The following AGMO variants were observed in gnomAD, a reference collection of about 807,000 sequenced individuals.
AGMO encodes alkylglycerol monooxygenase.
A neutral mutation model predicts 60.2 loss-of-function variants in AGMO; 75 were observed. The ratio of observed to expected loss-of-function variants is 1.25; its 90% CI spans 1.03 to 1.51. The LOEUF (loss-of-function observed/expected upper bound fraction) is 1.51. Among genes scored for constraint, AGMO ranks in the 40% most tolerant of loss-of-function variants. AGMO has a pLI of 0.00. For missense variants in AGMO, 763 were observed against 525.5 expected, an observed-to-expected ratio of 1.45 and a Z score of -4.42; for synonymous variants, 261 against 177.1, an observed-to-expected ratio of 1.47 and a Z score of -3.76.
At chr7:15,246,626 T>C (rs1563052944) in intron 12 of AGMO, among the ~76,000 whole-genome samples, 2 of 152,182 alleles carry the variant, frequency 1.3e-5, no homozygotes, top group African/African-American at 2.4e-5. Context: ...GGGTCTTCAG[T>C]TGATGATTCC....
At chr7:15,320,226 C>G (rs550741939) in intron 12 of AGMO, among the ~76,000 whole-genome samples, 1 of 151,592 alleles carries the variant, frequency 6.6e-6, no homozygotes, top group Non-Finnish European at 1.5e-5. Context: ...CAAACCTGCA[C>G]GTTTTACACA....
chr7:15,426,363 C>T (rs904956733), intron 4 of AGMO, among the ~76,000 whole-genome samples: 15 of 151,930 alleles, frequency 9.9e-5, no homozygotes, highest in Admixed American at 6.6e-5. Context: ...AGTTTATAGG[C>T]CAACATAAAT....
intron 12 of AGMO, among the ~76,000 whole-genome samples, chr7:15,256,301 G>A (rs1336884715): frequency 1.3e-5 from 2 of 152,078 alleles, no homozygotes; most frequent in Non-Finnish European, 2.9e-5. Flanking sequence ...CCACATATAC[G>A]GTGGTGGTCC....
At chr7:15,456,801 T>C (rs1371447874) in intron 3 of AGMO, among the ~76,000 whole-genome samples, 1 of 152,174 alleles carries the variant, frequency 6.6e-6, no homozygotes, top group African/African-American at 2.4e-5. Flanking sequence ...CTATTTTGGG[T>C]TTCAGCTTTC....
At chr7:15,123,257 A>G in the AGMO span, among the ~76,000 whole-genome samples, 1 of 152,032 alleles carries the variant, frequency 6.6e-6, no homozygotes, top group East Asian at 1.9e-4. Flanking sequence ...GTCTATTCTT[A>G]TTTACTGTCC....
chr7:15,460,201 G>T (rs1032932947), intron 3 of AGMO, among the ~76,000 whole-genome samples: 3 of 149,506 alleles, frequency 2.0e-5, no homozygotes, highest in African/African-American at 5.0e-5. Flanking sequence ...CTGCCCCACA[G>T]GTTCAAGAGA....
intron 5 of AGMO, among the ~76,000 whole-genome samples, chr7:15,404,158 A>G (rs1475695914): frequency 1.3e-5 from 2 of 151,922 alleles, no homozygotes; most frequent in Non-Finnish European, 2.9e-5. Flanking sequence ...TTTCTGATGA[A>G]TCCATACCAC....
the AGMO span, among the ~76,000 whole-genome samples, chr7:15,128,175 T>G: frequency 6.6e-6 from 1 of 152,140 alleles, no homozygotes; most frequent in East Asian, 1.9e-4. Flanking sequence ...GGCAGACACC[T>G]TCAGAGGAGA....
intron 12 of AGMO, among the ~76,000 whole-genome samples, chr7:15,333,577 C>CT (rs1781563235): frequency 6.8e-6 from 1 of 146,180 alleles, no homozygotes; most frequent in Non-Finnish European, 1.5e-5. Context: ...ACTTGATACT[C>CT]TCTATAGAGA....
chr7:15,412,236 G>A (rs56921886), intron 5 of AGMO, among the ~76,000 whole-genome samples: 16 of 151,982 alleles, frequency 1.1e-4, no homozygotes, highest in African/African-American at 3.9e-4. Context: ...TACTATTTAG[G>A]TATCTCATAA....
chr7:15,530,953 C>T (rs1191914087), intron 3 of AGMO, among the ~76,000 whole-genome samples: 2 of 46,316 alleles, frequency 4.3e-5, no homozygotes, highest in South Asian at 5.4e-4. Context: ...TTTTTGAATA[C>T]ATATATATTC....
chr7:15,254,627 T>A (rs1264287374), intron 12 of AGMO, among the ~76,000 whole-genome samples: 1 of 151,888 alleles, frequency 6.6e-6, no homozygotes, highest in Admixed American at 6.6e-5. Context: ...CTGGATGTTA[T>A]CCCCTTTAAA....
chr7:15,425,920 C>A (rs115945669), intron 4 of AGMO, among the ~76,000 whole-genome samples: 2,575 of 152,234 alleles, frequency 0.017, 34 homozygotes, highest in African/African-American at 0.042. Flanking sequence ...CTAGTAATTT[C>A]AATTAAGTTC....
At chr7:15,272,790 T>C (rs553921198) in intron 12 of AGMO, among the ~76,000 whole-genome samples, 28 of 152,184 alleles carry the variant, frequency 1.8e-4, no homozygotes, top group Non-Finnish European at 4.0e-4. Context: ...CTCCAGCACC[T>C]GTTGTTTCCT....
chr7:15,146,855 A>T, the AGMO span, among the ~76,000 whole-genome samples: 3 of 152,228 alleles, frequency 2.0e-5, no homozygotes, highest in Non-Finnish European at 4.4e-5. Context: ...GACAGCATAA[A>T]AAGTAGCTAA....
At chr7:15,204,506 G>A (rs371436168) in intron 12 of AGMO, among the ~76,000 whole-genome samples, 32 of 152,118 alleles carry the variant, frequency 2.1e-4, no homozygotes, top group African/African-American at 6.7e-4. Context: ...TGATGTTTCC[G>A]GATACATACA....
intron 12 of AGMO, among the ~76,000 whole-genome samples, chr7:15,263,059 A>G (rs1783322855): frequency 6.6e-6 from 1 of 152,176 alleles, no homozygotes; most frequent in Non-Finnish European, 1.5e-5. Flanking sequence ...CAAATGCAAC[A>G]AAAACAAAGA....
rs1177367994 is a variant in AGMO, at chr7:15,418,638, G to C, written c.529C>G (p.Leu177Val). ...ACTGAAGGGGGTATGAAGAGGGCCA[G>C]GGGAGAGTAGAAAATCTGAAAGAAA... Reference protein sequence around the residue: ...IYTSWIFYSPLALFIPPSVYA... With the variant: ...IYTSWIFYSPVALFIPPSVYA... The change falls in exon 5 of 13, where the codon CTG becomes GTG. Residue 177 changes from leucine to valine, a missense_variant. Coordinates refer to ENST00000342526, the MANE Select transcript of AGMO (RefSeq NM_001004320.2). 2 of 1,558,026 alleles carry C rather than the reference G, an allele frequency of 1.3e-6. No homozygotes were observed. The highest frequency in any genetic ancestry group is 2.2e-5 in the Admixed American group (1 of 46,006).
At chr7:15,142,751 T>A in the AGMO span, among the ~76,000 whole-genome samples, 7 of 152,138 alleles carry the variant, frequency 4.6e-5, no homozygotes, top group East Asian at 1.4e-3. Flanking sequence ...CTTAGTGAAG[T>A]AAGGGAGAAT....
Sources: allele counts gnomAD v4.1 joint callset (sites outside exome capture counted in the v4.1 genomes callset), GRCh38; gene constraint gnomAD v4.1.1; transcripts MANE v1.5; gene names NCBI Gene and HGNC (gene_info 2026-07-23, HGNC 2026-07-21).